Variants in PPARGC1A observed in about 807,000 individuals in gnomAD.
PPARGC1A encodes the protein PPARG coactivator 1 alpha, also known as peroxisome proliferator-activated receptor gamma coactivator 1-alpha.
Under a neutral mutation model 88.7 loss-of-function variants are expected in PPARGC1A, and 25 were observed. That is an observed-to-expected ratio of 0.28 (90% CI 0.21 to 0.39). The LOEUF (loss-of-function observed/expected upper bound fraction) is 0.39, where lower values mean the gene tolerates loss of function less well. Ranked by LOEUF, PPARGC1A falls within the 10% of genes least tolerant of loss-of-function variation. The pLI, the probability that PPARGC1A is intolerant of heterozygous loss-of-function variation, is 1.00. For missense variants in PPARGC1A, 880 were observed against 968.7 expected, an observed-to-expected ratio of 0.91 and a Z score of 1.22; for synonymous variants, 363 against 355.6, an observed-to-expected ratio of 1.02 and a Z score of -0.24.
At chr4:24,025,080 T>C in the PPARGC1A span, among the ~76,000 whole-genome samples, 1 of 152,184 alleles carries the variant, frequency 6.6e-6, no homozygotes, top group African/African-American at 2.4e-5. Context: ...ATATAAAATG[T>C]TGCTGTTTCT....
intron 12 of PPARGC1A, among the ~76,000 whole-genome samples, chr4:23,797,571 A>G (rs1411838093): frequency 2.0e-5 from 3 of 152,208 alleles, no homozygotes; most frequent in Admixed American, 6.5e-5. Flanking sequence ...AGCAAACTCT[A>G]GAATTTCAGT....
the PPARGC1A span, among the ~76,000 whole-genome samples, chr4:24,461,343 A>G: frequency 6.6e-6 from 1 of 152,242 alleles, no homozygotes; most frequent in African/African-American, 2.4e-5. Context: ...AGTCAAAACA[A>G]TGAGCAGGAA....
chr4:24,149,526 C>T, the PPARGC1A span, among the ~76,000 whole-genome samples: 2 of 152,048 alleles, frequency 1.3e-5, no homozygotes, highest in Non-Finnish European at 2.9e-5. Flanking sequence ...TTACTTTGTT[C>T]ATTTAGGGAA....
chr4:24,110,046 CT>C, the PPARGC1A span, among the ~76,000 whole-genome samples: 1 of 152,140 alleles, frequency 6.6e-6, no homozygotes, highest in East Asian at 1.9e-4. Context: ...AGCTCTCCAT[CT>C]TTTTACAGGT....
chr4:24,438,178 A>C, the PPARGC1A span, among the ~76,000 whole-genome samples: 13 of 152,158 alleles, frequency 8.5e-5, no homozygotes, highest in Non-Finnish European at 2.9e-5. Context: ...GCCCTTGGGG[A>C]TAGATTTGAT....
chr4:24,416,699 A>T, the PPARGC1A span, among the ~76,000 whole-genome samples: 1 of 152,102 alleles, frequency 6.6e-6, no homozygotes, highest in Non-Finnish European at 1.5e-5. Context: ...TAGATTTGGG[A>T]GTCATGTGTC....
intron 12 of PPARGC1A, among the ~76,000 whole-genome samples, chr4:23,798,515 T>C (rs1296300830): frequency 1.3e-5 from 2 of 152,212 alleles, no homozygotes; most frequent in East Asian, 1.9e-4. Flanking sequence ...TAAAGTTACG[T>C]GTATAATCAA....
chr4:23,814,269 T>C lies in PPARGC1A; in HGVS notation c.1214A>G (p.Gln405Arg), dbSNP rs573162716. ...TTTATTTTCTAGTTGTCTAGAGTCT[T>C]GGAGCTCCTGTGATATATTAATGAG... ...EILINISQEL[Q>R]DSRQLENKDV... Residue 405 changes from glutamine to arginine, a missense_variant, in exon 8 of 13, where the codon CAA (glutamine) becomes CGA (arginine). By Grantham distance (43) the Gln-to-Arg change is conservative. Coordinates refer to ENST00000264867, the MANE Select transcript of PPARGC1A (RefSeq NM_013261.5). The C allele has an allele frequency of 1.5e-5, 25 of 1,614,068 alleles. No individual in the cohort carries two copies. In the South Asian group the frequency reaches 2.5e-4, roughly 16 times the overall value.
the PPARGC1A span, among the ~76,000 whole-genome samples, chr4:24,317,773 G>C: frequency 1.8e-4 from 28 of 151,876 alleles, 1 homozygote; most frequent in Non-Finnish European, 3.2e-4. Flanking sequence ...GCAAGCACAA[G>C]AATAAATTCC....
At chr4:24,280,923 T>C in the PPARGC1A span, among the ~76,000 whole-genome samples, 1 of 152,202 alleles carries the variant, frequency 6.6e-6, no homozygotes, top group African/African-American at 2.4e-5. Flanking sequence ...CATGTTCTCT[T>C]GGGTACAAGT....
At chr4:23,867,997 C>T (rs1039334596) in intron 2 of PPARGC1A, among the ~76,000 whole-genome samples, 4 of 152,188 alleles carry the variant, frequency 2.6e-5, no homozygotes, top group African/African-American at 7.2e-5. Context: ...TGTTGGGAAG[C>T]TGTGGCCATG....
At chr4:24,093,245 G>A in the PPARGC1A span, among the ~76,000 whole-genome samples, 3 of 152,196 alleles carry the variant, frequency 2.0e-5, no homozygotes, top group Non-Finnish European at 4.4e-5. Flanking sequence ...CTCTTTCACT[G>A]ATGCAGTCTC....
the PPARGC1A span, among the ~76,000 whole-genome samples, chr4:24,389,719 C>A: frequency 6.6e-6 from 1 of 152,128 alleles, no homozygotes; most frequent in East Asian, 1.9e-4. Context: ...GCATGCATAG[C>A]ATTATTTGCA....
chr4:23,941,446 G>A, the PPARGC1A span, among the ~76,000 whole-genome samples: 4 of 152,156 alleles, frequency 2.6e-5, no homozygotes, highest in African/African-American at 9.7e-5. Flanking sequence ...AGAACGGGGT[G>A]TGATATCTGT....
the PPARGC1A span, among the ~76,000 whole-genome samples, chr4:23,980,256 A>G: frequency 2.0e-5 from 3 of 149,052 alleles, no homozygotes; most frequent in African/African-American, 7.4e-5. Flanking sequence ...ACTTGTATTT[A>G]GTGATGTCAT....
chr4:24,208,763 A>G, the PPARGC1A span, among the ~76,000 whole-genome samples: 1 of 151,066 alleles, frequency 6.6e-6, no homozygotes. Flanking sequence ...ACTATGTGCC[A>G]GGCAAAAGTG....
intron 7 of PPARGC1A, among the ~76,000 whole-genome samples, chr4:23,822,529 G>T (rs1172387668): frequency 6.6e-6 from 1 of 151,942 alleles, no homozygotes; most frequent in Non-Finnish European, 1.5e-5. Context: ...GAACTATGCT[G>T]CAGTGTTTTC....
chr4:23,832,972 T>C (rs1725317697), intron 2 of PPARGC1A, among the ~76,000 whole-genome samples: 1 of 152,114 alleles, frequency 6.6e-6, no homozygotes. Flanking sequence ...TTTTGATTCA[T>C]TCCCACCAAC....
At chr4:24,324,358 T>C in the PPARGC1A span, among the ~76,000 whole-genome samples, 2 of 148,836 alleles carry the variant, frequency 1.3e-5, no homozygotes, top group Non-Finnish European at 3.0e-5. Flanking sequence ...CCACAACCTC[T>C]TATCTCTGTG....
Sources: gnomAD v4.1 joint callset for allele counts (sites outside exome capture counted in the v4.1 genomes callset) on GRCh38, gnomAD v4.1.1 for gene constraint, MANE v1.5 for transcripts, NCBI Gene and HGNC (gene_info 2026-07-23, HGNC 2026-07-21) for gene names.